Variants in NRG1 observed in about 807,000 individuals in gnomAD.
The protein encoded by NRG1 is neuregulin 1, also known as pro-neuregulin-1, membrane-bound isoform.
A neutral mutation model predicts 63.8 loss-of-function variants in NRG1; 18 were observed. The observed-to-expected ratio is 0.28, with a 90% confidence interval of 0.19 to 0.42. The LOEUF (loss-of-function observed/expected upper bound fraction) is 0.42. Ranked by LOEUF, NRG1 falls within the 10% of genes least tolerant of loss-of-function variation. The pLI, the probability that NRG1 is intolerant of heterozygous loss-of-function variation, is 1.00. For synonymous variants in NRG1, 302 were observed against 301.3 expected (o/e 1.00, Z -0.02); for missense variants, 762 against 814.7 (o/e 0.94, Z 0.79).
intron 1 of NRG1, among the ~76,000 whole-genome samples, chr8:32,090,205 A>T (rs1317419047): frequency 2.0e-5 from 3 of 152,232 alleles, no homozygotes; most frequent in Non-Finnish European, 4.4e-5. Flanking sequence ...TCAGATGTAA[A>T]TAAAATAGTC....
chr8:31,702,323 CTCATGGAATTCCATGCACT>C (rs1810706948), intron 1 of NRG1, among the ~76,000 whole-genome samples: 1 of 152,144 alleles, frequency 6.6e-6, no homozygotes, highest in Non-Finnish European at 1.5e-5. Context: ...AATCACGCAC[CTCATGGAATTCCATGCACT>C]TCATGGATTC....
chr8:31,841,791 G>A (rs183967888), intron 1 of NRG1, among the ~76,000 whole-genome samples: 1 of 152,156 alleles, frequency 6.6e-6, no homozygotes, highest in African/African-American at 2.4e-5. Flanking sequence ...ATAATTCAAG[G>A]AATCATAGCC....
intron 1 of NRG1, among the ~76,000 whole-genome samples, chr8:32,309,605 C>T (rs985736075): frequency 1.3e-5 from 2 of 152,186 alleles, no homozygotes; most frequent in African/African-American, 4.8e-5. Flanking sequence ...ACTGGCTCTC[C>T]TACAGTTATG....
chr8:32,153,198 G>T (rs1005802470), intron 1 of NRG1, among the ~76,000 whole-genome samples: 1 of 152,062 alleles, frequency 6.6e-6, no homozygotes, highest in Non-Finnish European at 1.5e-5. Flanking sequence ...AGGCCGGTGG[G>T]AGTAGGATAC....
intron 1 of NRG1, among the ~76,000 whole-genome samples, chr8:32,311,689 C>T (rs1017621367): frequency 2.0e-5 from 3 of 152,152 alleles, no homozygotes; most frequent in African/African-American, 7.2e-5. Context: ...TTGCAGAAAT[C>T]ACCAAGGCTC....
At chr8:32,429,176 A>G (rs1817816125) in intron 1 of NRG1, among the ~76,000 whole-genome samples, 1 of 152,170 alleles carries the variant, frequency 6.6e-6, no homozygotes, top group African/African-American at 2.4e-5. Flanking sequence ...GTTTTACAAT[A>G]TGAATTGGGT....
At chr8:32,379,490 A>G (rs1306051440) in intron 1 of NRG1, among the ~76,000 whole-genome samples, 1 of 152,210 alleles carries the variant, frequency 6.6e-6, no homozygotes, top group African/African-American at 2.4e-5. Context: ...GTCTATCAAA[A>G]TATATAACAG....
intron 1 of NRG1, among the ~76,000 whole-genome samples, chr8:31,960,759 C>A (rs1420391720): frequency 1.3e-5 from 2 of 152,236 alleles, no homozygotes; most frequent in Non-Finnish European, 2.9e-5. Flanking sequence ...ACCTGGGACT[C>A]CTCTTTCTCC....
intron 1 of NRG1, among the ~76,000 whole-genome samples, chr8:32,310,247 T>C (rs1215101091): frequency 6.6e-6 from 1 of 152,200 alleles, no homozygotes; most frequent in Non-Finnish European, 1.5e-5. Context: ...TTGAATGGAA[T>C]GCATAGAAAA....
chr8:32,250,807 G>A (rs1421752536), intron 1 of NRG1, among the ~76,000 whole-genome samples: 6 of 151,826 alleles, frequency 4.0e-5, no homozygotes, highest in Non-Finnish European at 7.4e-5. Flanking sequence ...CCAATGCCAT[G>A]TTTCGGTGAT....
chr8:32,725,091 G>A (rs1273529044), intron 5 of NRG1, among the ~76,000 whole-genome samples: 1 of 152,126 alleles, frequency 6.6e-6, no homozygotes, highest in African/African-American at 2.4e-5. Flanking sequence ...TGTTGCTTAT[G>A]TCACTGCTTT....
chr8:32,039,210 C>A (rs573235624), intron 1 of NRG1, among the ~76,000 whole-genome samples: 5 of 152,256 alleles, frequency 3.3e-5, no homozygotes, highest in Admixed American at 2.0e-4. Flanking sequence ...AGGAATAAAT[C>A]AGATACTGTA....
intron 1 of NRG1, among the ~76,000 whole-genome samples, chr8:31,896,780 C>A (rs923095460): frequency 2.6e-5 from 4 of 152,186 alleles, no homozygotes; most frequent in Non-Finnish European, 5.9e-5. Flanking sequence ...AGATCCTTTT[C>A]CAACTATAGG....
chr8:32,538,713 C>T (rs369210262), intron 1 of NRG1, among the ~76,000 whole-genome samples: 9 of 152,128 alleles, frequency 5.9e-5, no homozygotes, highest in African/African-American at 1.4e-4. Context: ...CCAATCATTC[C>T]GAAGCTGAAT....
chr8:31,919,105 TAGTCTTGCTAGC>T (rs1833674112), intron 1 of NRG1, among the ~76,000 whole-genome samples: 1 of 152,120 alleles, frequency 6.6e-6, no homozygotes, highest in African/African-American at 2.4e-5. Flanking sequence ...TTTTCTTTAT[TAGTCTTGCTAGC>T]AGTCTATCAA....
chr8:31,794,827 G>A (rs562065862), intron 1 of NRG1, among the ~76,000 whole-genome samples: 1 of 152,070 alleles, frequency 6.6e-6, no homozygotes, highest in South Asian at 2.1e-4. Flanking sequence ...CTTTATGATG[G>A]AGTCCCACTC....
chr8:31,736,637 A>T (rs1040989288), intron 1 of NRG1, among the ~76,000 whole-genome samples: 1 of 152,176 alleles, frequency 6.6e-6, no homozygotes. Context: ...GGTGTTTAAC[A>T]TCTCTGAGTC....
At chr8:31,937,192 A>C (rs564205646) in intron 1 of NRG1, among the ~76,000 whole-genome samples, 1 of 152,206 alleles carries the variant, frequency 6.6e-6, no homozygotes, top group Non-Finnish European at 1.5e-5. Context: ...TCTTGTCAAC[A>C]TACCTTTTCT....
In NRG1 at chr8:31,857,882, G is replaced by A. The variant is rs756598305; in HGVS notation, c.37+218451G>A. 2.6e-5 allele frequency among the ~76,000 whole-genome samples: 4 copies of A among 152,182 alleles called. No individual in the cohort carries two copies. In the South Asian group the frequency reaches 8.3e-4, roughly 32 times the overall value. The stretch of plus-strand genomic sequence containing the variant: ...GCCCAGGAACTAACGAACATACAGT[G>A]TAGTGGTGATTCAAGAAGTTTTGCA... On this transcript the variant is annotated intron_variant, in intron 1 of 10. Coordinates refer to the NRG1 transcript ENST00000519301.
Sources: allele counts gnomAD v4.1 joint callset (sites outside exome capture counted in the v4.1 genomes callset), GRCh38; gene constraint gnomAD v4.1.1; transcripts MANE v1.5; gene names NCBI Gene and HGNC (gene_info 2026-07-23, HGNC 2026-07-21).